SUPT6H: variants seen among roughly 807,000 people sequenced by gnomAD.
SUPT6H encodes the protein SPT6 homolog, histone chaperone and transcription elongation factor, also known as transcription elongation factor SPT6.
A neutral mutation model predicts 222.3 loss-of-function variants in SUPT6H; 11 were observed. That is an observed-to-expected ratio of 0.05 (90% CI 0.03 to 0.08). SUPT6H has a LOEUF of 0.08. Ranked by LOEUF, SUPT6H falls within the 10% of genes least tolerant of loss-of-function variation. SUPT6H has a pLI of 1.00. For synonymous variants in SUPT6H, 762 were observed against 801.2 expected, an observed-to-expected ratio of 0.95 and a Z score of 0.83; for missense variants, 1,422 against 2,216.0, an observed-to-expected ratio of 0.64 and a Z score of 7.19.
At chr17:28,669,715 A>T (rs547380473) in intron 1 of SUPT6H, among the ~76,000 whole-genome samples, 14 of 152,216 alleles carry the variant, frequency 9.2e-5, no homozygotes, top group African/African-American at 3.1e-4. Flanking sequence ...CAGGTGGATC[A>T]CTTGAGGTCA....
At chr17:28,676,770 AC>A in intron 7 of SUPT6H, among the ~76,000 whole-genome samples, 1 of 151,176 alleles carries the variant, frequency 6.6e-6, no homozygotes, top group South Asian at 2.1e-4. Flanking sequence ...TACAAAAAAT[AC>A]AAAAAACTAG....
intron 27 of SUPT6H, among the ~76,000 whole-genome samples, chr17:28,692,820 T>C (rs991614573): frequency 2.7e-5 from 4 of 146,578 alleles, no homozygotes; most frequent in African/African-American, 1.0e-4. Context: ...GCTAACACAG[T>C]GAAACCCCAT....
chr17:28,679,102 T>A, intron 11 of SUPT6H, 139 bp downstream of exon 11: 1 of 1,141,196 alleles, frequency 8.8e-7, no homozygotes, highest in Non-Finnish European at 1.2e-6. Flanking sequence ...CCAGGCACAG[T>A]GGCTCATGCC....
chr17:28,691,214 A>G (rs901074831), intron 27 of SUPT6H, 151 bp downstream of exon 27: 2 of 1,081,868 alleles, frequency 1.8e-6, no homozygotes, highest in African/African-American at 1.6e-5. Flanking sequence ...ACACAGGTTT[A>G]GCATGAAGTC....
rs753954379 is a variant in SUPT6H, at chr17:28,675,492, G to A, written c.623+7G>A. 7.4e-6 allele frequency: 12 copies of A among 1,613,864 alleles called. No individual in the cohort carries two copies. The highest frequency in any genetic ancestry group is 6.7e-5 in the Admixed American group (4 of 60,006). ...TTCCTGGATACACAGACGCGTGAGT[G>A]GGGTCTGGTACAAGGTGGGGATAAA... On this transcript the variant is annotated splice_region_variant and intron_variant, in intron 6 of 36. Coordinates refer to ENST00000314616, the MANE Select transcript of SUPT6H (RefSeq NM_003170.5).
chr17:28,676,235 A>T lies in SUPT6H; in HGVS notation c.702A>T (p.Glu234Asp). The change falls in exon 7 of 37, where the codon GAA becomes GAT. Residue 234 changes from glutamate to aspartate, a missense_variant. By Grantham distance (45) the Glu-to-Asp change is conservative (BLOSUM62 2). Transcript: ENST00000314616. ...TTGAGAAATACAATGAGTATGATGA[A>T]GAACTGGAGGAAGAGTATGAGTATG... ...DEFEKYNEYD[E>D]ELEEEYEYED... is the part of the protein sequence containing the mutation. The T allele has an allele frequency of 6.2e-7, 1 of 1,613,420 alleles. No homozygotes were observed. The highest frequency in any genetic ancestry group is 2.2e-5 in the East Asian group (1 of 44,882).
intron 7 of SUPT6H, among the ~76,000 whole-genome samples, chr17:28,676,946 T>C (rs1309412832): frequency 6.6e-6 from 1 of 151,662 alleles, no homozygotes; most frequent in Non-Finnish European, 1.5e-5. Flanking sequence ...GAAATGCTTA[T>C]GGCCAGGCAC....
At chr17:28,664,639 A>G (rs1336015402) in intron 1 of SUPT6H, among the ~76,000 whole-genome samples, 1 of 152,200 alleles carries the variant, frequency 6.6e-6, no homozygotes, top group East Asian at 1.9e-4. Context: ...TTAAATCTCT[A>G]GTCCAGCCCT....
intron 1 of SUPT6H, among the ~76,000 whole-genome samples, chr17:28,667,401 GTGTGTATATATATATATATATA>G (rs1397770469): frequency 5.0e-5 from 1 of 20,032 alleles, no homozygotes; most frequent in Non-Finnish European, 1.4e-4. Flanking sequence ...AAAAGTGTGT[GTGTGTATATATATATATATATA>G]TATATATATA....
At chr17:28,678,286 C>A in intron 9 of SUPT6H, 94 bp downstream of exon 9, 1 of 1,137,660 alleles carries the variant, frequency 8.8e-7, no homozygotes, top group Non-Finnish European at 1.3e-6. Flanking sequence ...AGCCCCCTTC[C>A]CGTATCCCCT....
At chr17:28,673,598 A>G (rs898440847) in intron 2 of SUPT6H, 88 bp downstream of exon 2, 6 of 1,002,694 alleles carry the variant, frequency 6.0e-6, no homozygotes, top group Admixed American at 4.0e-5. Context: ...CAGGCTCAGC[A>G]CAGAAGTTAT....
rs753409972 is a variant in SUPT6H at position 28,683,800 on chromosome 17, A to G, written c.2213A>G (p.Lys738Arg). 8.7e-6 allele frequency: 14 copies of G among 1,613,610 alleles called. No homozygotes were observed. Among genetic ancestry groups the G allele is most frequent in the Non-Finnish European group, 1.0e-5 (12 of 1,179,914 alleles). The change falls in exon 17 of 37, where the codon AAG becomes AGG. Residue 738 changes from lysine to arginine, a missense_variant. By Grantham distance (26) the Lys-to-Arg change is conservative (BLOSUM62 2). Transcript: ENST00000314616. ...AAGAACAAGCTGCTGGCTGAAGCCA[A>G]GGAATATGTCATAAAGGTGAGGACA... The part of the protein sequence containing the change: ...ELKNKLLAEA[K>R]EYVIKACSRK...
chr17:28,699,985 G>A (rs890795492), intron 33 of SUPT6H, 92 bp downstream of exon 33: 8 of 1,406,148 alleles, frequency 5.7e-6, no homozygotes, highest in South Asian at 4.6e-5. Flanking sequence ...ACCAGGTGAG[G>A]AGTAGGCTGT....
Position 28,690,166 on chromosome 17 carries a change from T to C in SUPT6H, c.3427T>C (p.Ser1143Pro). Reference sequence around the variant, plus strand: ...TAAGGACCTCCGGACAGCCTACCGCTCTCCCAACACAGAGGAGATCTTCAA... The same window carrying C: ...TAAGGACCTCCGGACAGCCTACCGCCCTCCCAACACAGAGGAGATCTTCAA... The part of the protein sequence containing the change: ...RYKDLRTAYR[S>P]PNTEEIFNML... The change falls in exon 26 of 37, where the codon TCT (serine) becomes CCT (proline). Residue 1143 changes from serine to proline, a missense_variant. Physicochemically the swap from Ser to Pro is moderately conservative, Grantham distance 74. Around this residue, in one of 13 missense-constraint regions of SUPT6H, gnomAD observed 60 missense variants for 96.7 expected, o/e 0.62. Coordinates refer to ENST00000314616, the MANE Select transcript of SUPT6H (RefSeq NM_003170.5). 1 of 1,613,782 alleles carries C rather than the reference T, an allele frequency of 6.2e-7. No individual in the cohort carries two copies. The highest frequency in any genetic ancestry group is 8.5e-7 in the Non-Finnish European group (1 of 1,180,024).
In SUPT6H at chr17:28,688,273, C is replaced by T. The variant is rs560895114; in HGVS notation, c.3134+55C>T. 131 of 1,581,612 alleles carry T rather than the reference C, an allele frequency of 8.3e-5. No individual in the cohort carries two copies. The highest frequency in any genetic ancestry group is 1.0e-4 in the Non-Finnish European group (121 of 1,162,974). On this transcript the variant is annotated intron_variant, in intron 24 of 36. Coordinates refer to ENST00000314616, the MANE Select transcript of SUPT6H (RefSeq NM_003170.5). This position sits in a 1 kb window ranked among gnomAD's most constrained non-coding sequence, Gnocchi z 4.3. ...GGAATTCCCTTGTGGGCTTTGTTTTCGGGTTTCAGGGGTTAGGGCTATCAA... is the reference window on the plus strand; with the variant it reads ...GGAATTCCCTTGTGGGCTTTGTTTTTGGGTTTCAGGGGTTAGGGCTATCAA...
chr17:28,687,993 G>A, intron 23 of SUPT6H, 98 bp from the exon 24 acceptor site: 2 of 1,374,980 alleles, frequency 1.5e-6, no homozygotes, highest in South Asian at 1.9e-5. Context: ...ATACTGGGTG[G>A]GACAGAGTTT....
At position 28,701,101 on chromosome 17, in the gene SUPT6H, G is replaced by C. The variant is rs1248822964; in HGVS notation, c.4967G>C (p.Ser1656Thr). The C allele has an allele frequency of 5.6e-6, 9 of 1,612,144 alleles. No homozygotes were observed. Among genetic ancestry groups the C allele is most frequent in the South Asian group, 3.3e-5 (3 of 90,986 alleles). ...SAQAQPQPSS[S>T]SRQRQQQPKS... ...CAGGCCCAGCCCCAGCCCTCTTCCA[G>C]CTCCCGGCAACGGCAGCAGCAGCCA... is the stretch of plus-strand genomic sequence containing the variant. Residue 1656 changes from serine (S) to threonine (T), a missense_variant, in exon 36 of 37, where the codon AGC becomes ACC. By Grantham distance (58) the Ser-to-Thr change is moderately conservative (BLOSUM62 1). Coordinates refer to ENST00000314616, the MANE Select transcript of SUPT6H (RefSeq NM_003170.5).
intron 1 of SUPT6H, among the ~76,000 whole-genome samples, chr17:28,665,219 C>A (rs1317848966): frequency 6.6e-6 from 1 of 152,176 alleles, no homozygotes; most frequent in Non-Finnish European, 1.5e-5. Context: ...CTATTATATA[C>A]CATGTTCTTG....
At position 28,695,402 on chromosome 17, in the gene SUPT6H, C is replaced by G. The variant is rs1434864242; in HGVS notation, c.3825C>G (p.Phe1275Leu). 2 of 1,614,052 alleles carry G rather than the reference C, an allele frequency of 1.2e-6. No homozygotes were observed. Among genetic ancestry groups the G allele is most frequent in the South Asian group, 1.1e-5 (1 of 91,066 alleles). ...CRIMKIDIEK[F>L]SADLTCRTSD... ...TCATGAAGATTGACATTGAGAAGTT[C>G]AGTGCAGACCTGACCTGCCGCACCT... is the stretch of plus-strand genomic sequence containing the variant. The change falls in exon 29 of 37, where the codon TTC (phenylalanine) becomes TTG (leucine). Residue 1275 changes from phenylalanine to leucine, a missense_variant. Physicochemically the swap from Phe to Leu is conservative, Grantham distance 22. This residue lies in a region of SUPT6H where 39 missense variants were observed against 124.2 expected (regional missense o/e 0.31). Coordinates refer to ENST00000314616, the MANE Select transcript of SUPT6H (RefSeq NM_003170.5).
Sources: gnomAD v4.1 joint callset for allele counts (sites outside exome capture counted in the v4.1 genomes callset) on GRCh38, gnomAD v4.1.1 for gene constraint, gnomAD v4.1.1 regional missense constraint, Gnocchi (gnomAD v3.1) non-coding constraint, MANE v1.5 for transcripts, NCBI Gene and HGNC (gene_info 2026-07-23, HGNC 2026-07-21) for gene names.